KIRREL2: variants seen among roughly 807,000 people sequenced by gnomAD.
The protein encoded by KIRREL2 is kirre like nephrin family adhesion molecule 2, also known as kin of IRRE-like protein 2.
KIRREL2 carries 56 observed loss-of-function variants against 73.4 expected under a neutral mutation model. The ratio of observed to expected loss-of-function variants is 0.76; its 90% CI spans 0.62 to 0.95. The LOEUF (loss-of-function observed/expected upper bound fraction) is 0.95. Ranked by LOEUF, KIRREL2 falls within the 40% of genes least tolerant of loss-of-function variation. The pLI is 0.00. For missense variants in KIRREL2, 896 were observed against 935.0 expected, an observed-to-expected ratio of 0.96 and a Z score of 0.54; for synonymous variants, 407 against 404.0, an observed-to-expected ratio of 1.01 and a Z score of -0.09.
At chr19:35,864,528 T>C (rs1436717098) in intron 13 of KIRREL2, 120 bp from the exon 14 acceptor site, 1 of 731,294 alleles carries the variant, frequency 1.4e-6, no homozygotes, top group African/African-American at 1.8e-5. Flanking sequence ...AGTCCCCAGC[T>C]CTTGGGTGCT....
At position 35,856,986 on chromosome 19, in the gene KIRREL2, G is replaced by A; in HGVS notation, c.-134G>A. 1.1e-6 allele frequency: 1 copy of A among 915,666 alleles called. No individual in the cohort carries two copies. Among genetic ancestry groups the A allele is most frequent in the Non-Finnish European group, 1.8e-6 (1 of 560,894 alleles). 56.7% of individuals were successfully genotyped at this position (915,666 alleles called of 1,614,324 possible). On this transcript the variant is annotated 5_prime_UTR_variant, in exon 1 of 15. Transcript: ENST00000360202. The surrounding 1 kb of genome is among the most constrained non-coding windows in gnomAD (Gnocchi z 5.9). The stretch of plus-strand genomic sequence containing the variant: ...GGATGAGCAGACTTGGAGGACTCCA[G>A]GCCAGAGACTAGGCTGGGCGAAGAG...
rs750304936 is a variant in KIRREL2 at position 35,866,185 on chromosome 19, G to A, written c.1820G>A (p.Arg607Gln). The part of the protein sequence containing the change: ...KDPTNGYYKV[R>Q]GVSVSLSLGE... Reference sequence around the variant, plus strand: ...CCAACCAACGGTTACTACAAGGTCCGAGGAGTCAGTGTGAGCCTGAGCCTT... The same window carrying A: ...CCAACCAACGGTTACTACAAGGTCCAAGGAGTCAGTGTGAGCCTGAGCCTT... The change falls in exon 15 of 15, where the codon CGA (arginine) becomes CAA (glutamine). Residue 607 changes from arginine to glutamine, a missense_variant. Arg to Gln is a conservative substitution (Grantham distance 43). Transcript: ENST00000360202. 6 of 1,611,966 alleles carry A rather than the reference G, an allele frequency of 3.7e-6. No individual in the cohort carries two copies. The highest frequency in any genetic ancestry group is 2.2e-5 in the East Asian group (1 of 44,880).
At chr19:35,855,241 G>T (rs1034244902), upstream of KIRREL2, among the ~76,000 whole-genome samples, 1 of 151,906 alleles carries the variant, frequency 6.6e-6, no homozygotes, top group African/African-American at 2.4e-5. Flanking sequence ...GGGGGCCCTC[G>T]CCAGATGGTG....
At chr19:35,860,758 G>A in intron 7 of KIRREL2, 91 bp downstream of exon 7, 1 of 1,584,402 alleles carries the variant, frequency 6.3e-7, no homozygotes, top group Non-Finnish European at 8.6e-7. Context: ...GGGGCCGGGA[G>A]AGCGAGCGTG....
At chr19:35,854,898 C>A (rs1973370800), upstream of KIRREL2, among the ~76,000 whole-genome samples, 1 of 152,138 alleles carries the variant, frequency 6.6e-6, no homozygotes, top group Non-Finnish European at 1.5e-5. Context: ...CTCTGCTCAT[C>A]ACATCCCTGG....
At position 35,857,408 on chromosome 19, in the gene KIRREL2, G is replaced by A. The variant is rs1315710192; in HGVS notation, c.125G>A (p.Arg42Gln). Residue 42 changes from arginine (R) to glutamine (Q), a missense_variant, in exon 2 of 15, where the codon CGG (arginine) becomes CAG (glutamine). By Grantham distance (43) the Arg-to-Gln change is conservative (BLOSUM62 1). Transcript: ENST00000360202. ...DLVVLLGEEARLPCALGAYWG... is the reference protein window; with the variant it reads ...DLVVLLGEEAQLPCALGAYWG... The stretch of plus-strand genomic sequence containing the variant: ...GTGGTGCTGCTGGGGGAGGAAGCCC[G>A]GCTGCCGTGTGCTCTGGGCGCCTAC... 1 of 1,613,046 alleles carries A rather than the reference G, an allele frequency of 6.2e-7. No individual in the cohort carries two copies. The highest frequency in any genetic ancestry group is 8.5e-7 in the Non-Finnish European group (1 of 1,180,000).
chr19:35,860,357 T>C lies in KIRREL2; in HGVS notation c.734T>C (p.Ile245Thr). Residue 245 changes from isoleucine to threonine, a missense_variant, in exon 6 of 15, where the codon ATT (isoleucine) becomes ACT (threonine). By Grantham distance (89) the Ile-to-Thr change is moderately conservative. Coordinates refer to ENST00000360202, the MANE Select transcript of KIRREL2 (RefSeq NM_199180.4). ...PHTVQEGEKV[I>T]FLCQATAQPP... ...ACTGTGCAGGAGGGAGAGAAGGTCA[T>C]TTTCCTGTGCCAGGCCACAGCCCAG... is the stretch of plus-strand genomic sequence containing the variant. The C allele has an allele frequency of 6.2e-7, 1 of 1,613,826 alleles. No individual in the cohort carries two copies. The highest frequency in any genetic ancestry group is 8.5e-7 in the Non-Finnish European group (1 of 1,179,988).
At chr19:35,852,288 CTCTTCCTCTCTCTCTG>C (rs1286467436), upstream of KIRREL2, among the ~76,000 whole-genome samples, 2 of 150,382 alleles carry the variant, frequency 1.3e-5, no homozygotes, top group African/African-American at 2.5e-5. Context: ...TTGTCTCTGT[CTCTTCCTCTCTCTCTG>C]TCTCTCTCTC....
In KIRREL2 at chr19:35,861,284, G is replaced by C. The variant is rs927038062; in HGVS notation, c.1189+30G>C. 2.6e-6 allele frequency: 4 copies of C among 1,515,152 alleles called. No homozygotes were observed. In the African/African-American group the frequency reaches 5.6e-5, roughly 21 times the overall value. 93.9% of individuals were successfully genotyped at this position (1,515,152 alleles called of 1,614,324 possible). On this transcript the variant is annotated intron_variant, in intron 9 of 14. Coordinates refer to ENST00000360202, the MANE Select transcript of KIRREL2 (RefSeq NM_199180.4). ...GAAGGCGGGGCTTCCTAGGGGACCT[G>C]GCCCGTCCTGGGATAGGGAGCGGAC...
chr19:35,866,255 C>T lies in KIRREL2; in HGVS notation c.1890C>T (p.Pro630=), dbSNP rs370417396. The T allele has an allele frequency of 6.2e-7, 1 of 1,609,380 alleles. No individual in the cohort carries two copies. Among genetic ancestry groups the T allele is most frequent in the Non-Finnish European group, 8.5e-7 (1 of 1,175,738 alleles). The change falls in exon 15 of 15, where the codon CCC becomes CCT. Residue 630 remains proline (P), a synonymous_variant. Transcript: ENST00000360202. ...GGGLFLPPPS[P]LGPPGTPTFY... is the part of the protein sequence containing the mutation. ...GTCTCTTCCTGCCACCACCCTCCCC[C>T]CTTGGGCCCCCAGGGACCCCTACCT...
rs1389510951 is a variant in KIRREL2 at position 35,861,005 on chromosome 19, G to A, written c.1025G>A (p.Arg342Gln). 4 of 1,612,490 alleles carry A rather than the reference G, an allele frequency of 2.5e-6. No homozygotes were observed. The highest frequency in any genetic ancestry group is 4.5e-5 in the East Asian group (2 of 44,844). ...GCCTGGCGCGGGAACCCGCTTCCAC[G>A]GGTAACCTGGACCCGCCGCGGTGGC... ...SCAWRGNPLP[R>Q]VTWTRRGGAQ... The change falls in exon 8 of 15, where the codon CGG becomes CAG. Residue 342 changes from arginine (R) to glutamine (Q), a missense_variant. Transcript: ENST00000360202.
Position 35,858,893 on chromosome 19 carries a change from T to C in KIRREL2, c.522+29T>C, listed in dbSNP as rs1247844010. ...AGGTCCAAATTCCTGTGCTAGCCTT[T>C]GCCCATTGAGGGAAACTTGGGTTAC... is the stretch of plus-strand genomic sequence containing the variant. On this transcript the variant is annotated intron_variant, in intron 4 of 14. Coordinates refer to ENST00000360202, the MANE Select transcript of KIRREL2 (RefSeq NM_199180.4). The C allele has an allele frequency of 2.5e-6, 4 of 1,611,802 alleles. No individual in the cohort carries two copies. In the South Asian group the frequency reaches 3.3e-5, roughly 13 times the overall value.
In KIRREL2 at chr19:35,857,110, T is replaced by C; in HGVS notation, c.-10T>C. 6.2e-7 allele frequency: 1 copy of C among 1,605,880 alleles called. No individual in the cohort carries two copies. Among genetic ancestry groups the C allele is most frequent in the Non-Finnish European group, 8.5e-7 (1 of 1,179,014 alleles). ...GTGCGACGGCAAATCTCGTGAACCT[T>C]GGGGGACGAATGCTCAGGATGCGGG... is the stretch of plus-strand genomic sequence containing the variant. On this transcript the variant is annotated 5_prime_UTR_variant, in exon 1 of 15. Coordinates refer to ENST00000360202, the MANE Select transcript of KIRREL2 (RefSeq NM_199180.4).
In KIRREL2 at chr19:35,862,606, C is replaced by A. The variant is rs1258372649; in HGVS notation, c.1615+9C>A. On this transcript the variant is annotated intron_variant, in intron 12 of 14. Coordinates refer to ENST00000360202, the MANE Select transcript of KIRREL2 (RefSeq NM_199180.4). Reference sequence around the variant, plus strand: ...CTGGCGCCACAGCAAGGGTTAGTGCCTGAGCCCCGCCCCGGCTCCCGAGGC... The same window carrying A: ...CTGGCGCCACAGCAAGGGTTAGTGCATGAGCCCCGCCCCGGCTCCCGAGGC... 2 of 1,593,502 alleles carry A rather than the reference C, an allele frequency of 1.3e-6. No individual in the cohort carries two copies. The highest frequency in any genetic ancestry group is 1.7e-5 in the Admixed American group (1 of 59,998).
At chr19:35,862,856 C>A in intron 12 of KIRREL2, 71 bp from the exon 13 acceptor site, 2 of 930,970 alleles carry the variant, frequency 2.1e-6, no homozygotes, top group Non-Finnish European at 3.4e-6. Flanking sequence ...AGTCCTCTCT[C>A]TTCCCGCTTA....
chr19:35,866,650 C>T lies in KIRREL2; in HGVS notation c.*158C>T. 1.8e-6 allele frequency: 2 copies of T among 1,109,438 alleles called. No individual in the cohort carries two copies. Among genetic ancestry groups the T allele is most frequent in the Non-Finnish European group, 2.6e-6 (2 of 763,402 alleles). 68.7% of individuals were successfully genotyped at this position (1,109,438 alleles called of 1,614,324 possible). On this transcript the variant is annotated 3_prime_UTR_variant, in exon 15 of 15. Transcript: ENST00000360202. ...TTTGTCAGGAGCATTTGTATACAGT[C>T]AGCTCAGCCAAAGGAGATGCCCCAA...
chr19:35,866,578 C>T lies in KIRREL2; in HGVS notation c.*86C>T. 1 of 1,582,020 alleles carries T rather than the reference C, an allele frequency of 6.3e-7. No homozygotes were observed. The highest frequency in any genetic ancestry group is 8.6e-7 in the Non-Finnish European group (1 of 1,158,702). On this transcript the variant is annotated 3_prime_UTR_variant, in exon 15 of 15. Transcript: ENST00000360202. ...CTGAGGAGCCAGGACAAGTTGGCGA[C>T]CTTACTCCTCCAAAACTGAACACAA...
intron 13 of KIRREL2, among the ~76,000 whole-genome samples, chr19:35,863,959 A>T (rs1242536154): frequency 6.6e-6 from 1 of 151,582 alleles, no homozygotes; most frequent in East Asian, 2.0e-4. Flanking sequence ...TATTTTTAGT[A>T]GAGACGAGGT....
chr19:35,862,114 C>A, intron 11 of KIRREL2, 90 bp downstream of exon 11: 1 of 1,119,524 alleles, frequency 8.9e-7, no homozygotes, highest in Non-Finnish European at 1.3e-6. Context: ...AAACCTCATA[C>A]CCTCAAATGC....
Sources: gnomAD v4.1 joint callset for allele counts (sites outside exome capture counted in the v4.1 genomes callset) on GRCh38, gnomAD v4.1.1 for gene constraint, Gnocchi (gnomAD v3.1) non-coding constraint, MANE v1.5 for transcripts, NCBI Gene and HGNC (gene_info 2026-07-23, HGNC 2026-07-21) for gene names.